HNF4G: variants seen among roughly 807,000 people sequenced by gnomAD.
The protein encoded by HNF4G is hepatocyte nuclear factor 4 gamma, also known as hepatocyte nuclear factor 4-gamma.
A neutral mutation model predicts 50.9 loss-of-function variants in HNF4G; 21 were observed. The observed-to-expected ratio is 0.41, with a 90% CI of 0.29 to 0.59. The LOEUF (loss-of-function observed/expected upper bound fraction) is 0.59, where lower values mean the gene tolerates loss of function less well. HNF4G is among the 20% of genes least tolerant of loss of function. The pLI, the probability that HNF4G is intolerant of heterozygous loss-of-function variation, is 0.26. For missense variants in HNF4G, 527 were observed against 559.4 expected (o/e 0.94, Z 0.58); for synonymous variants, 198 against 185.6 (o/e 1.07, Z -0.54).
chr8:75,529,083 A>T (rs2977925), intron 2 of HNF4G, among the ~76,000 whole-genome samples: 1 of 151,878 alleles, frequency 6.6e-6, no homozygotes, highest in South Asian at 2.1e-4. Context: ...TCAGGAGATC[A>T]AGACCATCCT....
intron 2 of HNF4G, among the ~76,000 whole-genome samples, chr8:75,546,081 G>C (rs370050322): frequency 2.0e-5 from 3 of 151,912 alleles, no homozygotes; most frequent in African/African-American, 7.3e-5. Flanking sequence ...ACATTTTATA[G>C]GTCACAAAAT....
At chr8:75,432,959 C>G (rs1811047018) in intron 1 of HNF4G, among the ~76,000 whole-genome samples, 1 of 152,196 alleles carries the variant, frequency 6.6e-6, no homozygotes. Context: ...AATTTGCCAG[C>G]TCTTTGAATG....
chr8:75,472,410 T>A (rs780700107), intron 1 of HNF4G, among the ~76,000 whole-genome samples: 5 of 152,164 alleles, frequency 3.3e-5, no homozygotes, highest in Non-Finnish European at 7.3e-5. Context: ...CAGTAGAATT[T>A]GGAAAACCAC....
At chr8:75,447,085 T>C (rs1296818299) in intron 1 of HNF4G, among the ~76,000 whole-genome samples, 1 of 129,482 alleles carries the variant, frequency 7.7e-6, no homozygotes, top group African/African-American at 3.2e-5. Context: ...AAAACAGAGA[T>C]ATAGATCAAT....
intron 2 of HNF4G, among the ~76,000 whole-genome samples, chr8:75,530,066 A>C (rs558703477): frequency 2.0e-5 from 3 of 152,192 alleles, no homozygotes; most frequent in African/African-American, 7.2e-5. Context: ...AGGATCCTGG[A>C]GCAAGAATCA....
intron 4 of HNF4G, 33 bp from the exon 5 acceptor site, chr8:75,553,009 T>C (rs1807005884): frequency 2.6e-6 from 4 of 1,515,996 alleles, no homozygotes; most frequent in Non-Finnish European, 3.6e-6. Context: ...TCTATTATTT[T>C]AAATGATAAT....
intron 4 of HNF4G, among the ~76,000 whole-genome samples, chr8:75,552,309 G>A (rs1315314669): frequency 6.6e-6 from 1 of 152,020 alleles, no homozygotes; most frequent in African/African-American, 2.4e-5. Flanking sequence ...ACCTAAAGGG[G>A]AGCTATGAGA....
intron 1 of HNF4G, among the ~76,000 whole-genome samples, chr8:75,416,621 G>A (rs978667627): frequency 1.3e-5 from 2 of 152,122 alleles, no homozygotes; most frequent in Non-Finnish European, 2.9e-5. Context: ...ACACATTACT[G>A]TATGTTATTT....
chr8:75,562,858 A>G (rs923296446), intron 9 of HNF4G, among the ~76,000 whole-genome samples: 3 of 152,102 alleles, frequency 2.0e-5, no homozygotes, highest in Admixed American at 2.0e-4. Flanking sequence ...ATTCATGCAT[A>G]TTTTCTTGGT....
chr8:75,534,422 T>A (rs1386622304), intron 2 of HNF4G, among the ~76,000 whole-genome samples: 1 of 151,814 alleles, frequency 6.6e-6, no homozygotes, highest in East Asian at 1.9e-4. Context: ...CCTCTAAGCT[T>A]TTTTTACTCA....
chr8:75,551,283 G>T, intron 3 of HNF4G, 105 bp from the exon 4 acceptor site: 1 of 619,548 alleles, frequency 1.6e-6, no homozygotes. Context: ...CTTTTAGAAA[G>T]ACTTTTTCTC....
upstream of HNF4G, among the ~76,000 whole-genome samples, chr8:75,538,703 T>G (rs1218917515): frequency 6.6e-6 from 1 of 152,142 alleles, no homozygotes; most frequent in Non-Finnish European, 1.5e-5. Flanking sequence ...TCTTCACAAT[T>G]AAGAGTATAC....
At chr8:75,536,721 A>G (rs2943543), upstream of HNF4G, among the ~76,000 whole-genome samples, 100,291 of 151,924 alleles carry the variant, frequency 0.66, 34,994 homozygotes, top group African/African-American at 0.9. Flanking sequence ...ATCACGAATG[A>G]ATGGGAAACA....
In HNF4G at chr8:75,455,505, C is replaced by T. The variant is rs60593024; in HGVS notation, c.-143-34584C>T. Among the ~76,000 whole-genome samples the T allele has an allele frequency of 7.4e-3, 1,133 of 152,176 alleles. 12 individuals carry two copies. The highest frequency in any genetic ancestry group is 0.026 in the African/African-American group (1,075 of 41,520). ...CTCCAGAGAACAATTCAATCAATTG[C>T]CCCAACCTGGTGTTTCCTGTTATGC... On this transcript the variant is annotated intron_variant, in intron 1 of 10. Transcript: ENST00000354370.
chr8:75,504,210 G>C (rs1428812469), intron 2 of HNF4G, among the ~76,000 whole-genome samples: 1 of 146,300 alleles, frequency 6.8e-6, no homozygotes, highest in Non-Finnish European at 1.5e-5. Context: ...GACAGAGTAA[G>C]ACTTTGTCCA....
intron 3 of HNF4G, among the ~76,000 whole-genome samples, chr8:75,548,132 G>A (rs2977935): frequency 2.6e-5 from 4 of 151,456 alleles, no homozygotes; most frequent in Non-Finnish European, 4.4e-5. Context: ...CTACAGGTGC[G>A]CATCATCACG....
intron 1 of HNF4G, among the ~76,000 whole-genome samples, chr8:75,487,226 G>A (rs939403691): frequency 2.6e-5 from 4 of 151,994 alleles, no homozygotes; most frequent in Non-Finnish European, 5.9e-5. Context: ...ACATGTAATT[G>A]TATGTGTAGA....
rs368749738 is a variant in HNF4G, at chr8:75,551,470, A to G, written c.465A>G (p.Ala155=). 2 of 1,611,724 alleles carry G rather than the reference A, an allele frequency of 1.2e-6. No individual in the cohort carries two copies. The highest frequency in any genetic ancestry group is 1.3e-5 in the African/African-American group (1 of 74,972). The part of the protein sequence containing the change: ...GSNIPSINTL[A]QAEVRSRQIS... ...ACATCCCCTCCATTAACACACTGGC[A>G]CAAGCTGAAGTTCGGTCTCGCCAGG... Residue 155 remains alanine, a synonymous_variant, in exon 4 of 10, where the codon GCA becomes GCG. Transcript: ENST00000396423.
chr8:75,464,943 T>A (rs1811932961), intron 1 of HNF4G, among the ~76,000 whole-genome samples: 1 of 152,122 alleles, frequency 6.6e-6, no homozygotes, highest in African/African-American at 2.4e-5. Flanking sequence ...GAATGAGGCA[T>A]GATGTAAAGG....
Sources: allele counts gnomAD v4.1 joint callset (sites outside exome capture counted in the v4.1 genomes callset), GRCh38; gene constraint gnomAD v4.1.1; transcripts MANE v1.5; gene names NCBI Gene and HGNC (gene_info 2026-07-23, HGNC 2026-07-21).